LRBA: variants seen among roughly 807,000 people sequenced by gnomAD.
The protein encoded by LRBA is LPS responsive beige-like anchor protein.
In LRBA, 176 loss-of-function variants were observed where a neutral mutation model predicts 330.0. The ratio of observed to expected loss-of-function variants is 0.53; its 90% CI spans 0.47 to 0.60. LRBA has a LOEUF of 0.60. LRBA is among the 20% of genes least tolerant of loss of function. The pLI, the probability that LRBA is intolerant of heterozygous loss-of-function variation, is 0.00. For missense variants in LRBA, 3,259 were observed against 3,444.8 expected (o/e 0.95, Z 1.35); for synonymous variants, 1,230 against 1,193.0 (o/e 1.03, Z -0.64).
intron 56 of LRBA, among the ~76,000 whole-genome samples, chr4:150,269,389 C>G: frequency 6.6e-6 from 1 of 152,126 alleles, no homozygotes; most frequent in East Asian, 1.9e-4. Flanking sequence ...GGAGAAAGCA[C>G]CTTCTTTTCA....
intron 21 of LRBA, 73 bp from the exon 22 acceptor site, chr4:150,867,936 C>A: frequency 1.6e-6 from 2 of 1,246,934 alleles, no homozygotes; most frequent in East Asian, 2.4e-5. Context: ...AGGTTTAAAA[C>A]AAAATAACCC....
intron 46 of LRBA, among the ~76,000 whole-genome samples, chr4:150,421,156 A>ATAAAGTATATATAATATACATTATAT (rs1748723095): frequency 7.8e-6 from 1 of 128,606 alleles, no homozygotes; most frequent in Non-Finnish European, 1.6e-5. Flanking sequence ...ATTATATTAT[A>ATAAAGTATATATAATATACATTATAT]TATAAAGTAT....
intron 36 of LRBA, among the ~76,000 whole-genome samples, chr4:150,689,571 C>A (rs1461565539): frequency 6.6e-6 from 1 of 151,696 alleles, no homozygotes; most frequent in Non-Finnish European, 1.5e-5. Context: ...AACTACTTTA[C>A]CATAAAGAAA....
intron 2 of LRBA, among the ~76,000 whole-genome samples, chr4:150,991,380 A>G (rs1742065705): frequency 6.6e-6 from 1 of 152,240 alleles, no homozygotes; most frequent in Non-Finnish European, 1.5e-5. Context: ...CATGTCCACC[A>G]AAGGCCTATA....
intron 41 of LRBA, among the ~76,000 whole-genome samples, chr4:150,490,556 G>C (rs903769239): frequency 6.6e-6 from 1 of 151,722 alleles, no homozygotes; most frequent in Non-Finnish European, 1.5e-5. Flanking sequence ...CATATGAATC[G>C]TTATTGTCCT....
At chr4:150,636,643 C>T (rs1777941313) in intron 37 of LRBA, among the ~76,000 whole-genome samples, 1 of 152,128 alleles carries the variant, frequency 6.6e-6, no homozygotes, top group South Asian at 2.1e-4. Flanking sequence ...GGAAATATAT[C>T]CAGCTGGGCA....
intron 34 of LRBA, among the ~76,000 whole-genome samples, chr4:150,796,632 G>C (rs1453747762): frequency 6.6e-6 from 1 of 151,756 alleles, no homozygotes; most frequent in South Asian, 2.1e-4. Context: ...CTTTATCTTT[G>C]CAGCTCCTAA....
intron 2 of LRBA, among the ~76,000 whole-genome samples, chr4:150,940,349 C>CTA (rs1368258897): frequency 6.6e-6 from 1 of 152,192 alleles, no homozygotes; most frequent in East Asian, 1.9e-4. Flanking sequence ...CTGCAGTGAG[C>CTA]TATGATCATG....
chr4:150,538,511 T>C (rs1182096032), intron 40 of LRBA, among the ~76,000 whole-genome samples: 1 of 152,126 alleles, frequency 6.6e-6, no homozygotes, highest in Non-Finnish European at 1.5e-5. Flanking sequence ...CTGGAAGCCA[T>C]CATCCTGAGT....
chr4:150,488,959 ATATAT>A (rs1414143220), intron 41 of LRBA, among the ~76,000 whole-genome samples: 12 of 132,716 alleles, frequency 9.0e-5, no homozygotes, highest in African/African-American at 2.5e-4. Context: ...ATAACATATA[ATATAT>A]TATATATAAG....
At chr4:150,875,172 C>A (rs1379857207) in intron 17 of LRBA, among the ~76,000 whole-genome samples, 5 of 152,238 alleles carry the variant, frequency 3.3e-5, no homozygotes, top group African/African-American at 9.6e-5. Flanking sequence ...CTCTCTGTTT[C>A]ACACCCAAGC....
intron 17 of LRBA, among the ~76,000 whole-genome samples, chr4:150,878,141 T>C (rs1754266227): frequency 6.6e-6 from 1 of 151,262 alleles, no homozygotes; most frequent in Admixed American, 6.6e-5. Flanking sequence ...TGGACCAGCC[T>C]GGCCAACATG....
rs762799564 is a variant in LRBA at position 150,828,249 on chromosome 4, G to C, written c.5102C>G (p.Pro1701Arg). 10 of 1,614,138 alleles carry C rather than the reference G, an allele frequency of 6.2e-6. No individual in the cohort carries two copies. Among genetic ancestry groups the C allele is most frequent in the Non-Finnish European group, 8.5e-6 (10 of 1,180,010 alleles). The change falls in exon 30 of 57, where the codon CCA becomes CGA. Residue 1701 changes from proline (P) to arginine (R), a missense_variant. By Grantham distance (103) the Pro-to-Arg change is moderately radical. Coordinates refer to ENST00000651943, the MANE Select transcript of LRBA (RefSeq NM_001364905.1). ...DGVTVDPALL[P>R]PACLGALGDL... The stretch of plus-strand genomic sequence containing the variant: ...ACCAAGGGCTCCAAGGCAGGCTGGT[G>C]GCAGAAGGGCAGGATCCACTGTGAC...
chr4:150,931,521 G>A lies in LRBA; in HGVS notation c.217-2456C>T, dbSNP rs1579240926. Among the ~76,000 whole-genome samples, 3 of 151,374 alleles carry A rather than the reference G, an allele frequency of 2.0e-5. No homozygotes were observed. The East Asian group carries it at 5.8e-4, about 29-fold the overall frequency. On this transcript the variant is annotated intron_variant, in intron 2 of 56. Transcript: ENST00000651943. ...CACACCTATAATCCCAAAACTTTGG[G>A]AGGCTAAGACAGGAGGATCACTTGA...
chr4:150,467,617 C>A, intron 44 of LRBA, 56 bp downstream of exon 44: 3 of 1,067,606 alleles, frequency 2.8e-6, no homozygotes, highest in East Asian at 2.5e-5. Flanking sequence ...GAAAGACAAT[C>A]CAATTTATTT....
intron 2 of LRBA, among the ~76,000 whole-genome samples, chr4:150,964,956 T>C (rs1363288202): frequency 6.6e-6 from 1 of 152,228 alleles, no homozygotes; most frequent in African/African-American, 2.4e-5. Context: ...CATCACTTTT[T>C]CACCTATTAG....
At chr4:150,851,047 T>C (rs1750554013) in intron 23 of LRBA, 145 bp from the exon 24 acceptor site, 1 of 558,772 alleles carries the variant, frequency 1.8e-6, no homozygotes, top group African/African-American at 1.9e-5. Context: ...AGAAAAATTA[T>C]CAATGAGTAA....
rs1236284979 is a variant in LRBA, at chr4:150,777,080, T to TGTTGTC, written c.5581-15234_5581-15233insGACAAC. On this transcript the variant is annotated intron_variant, in intron 34 of 56. Coordinates refer to ENST00000651943, the MANE Select transcript of LRBA (RefSeq NM_001364905.1). ...TTTTGAGGGGTTTTGTTGTTGTTGT[T>TGTTGTC]GTTGTTGTTGTTGTTGTTGTTGTTG... Among the ~76,000 whole-genome samples the TGTTGTC allele has an allele frequency of 6.3e-4, 95 of 149,688 alleles. 1 individual carries two copies. The highest frequency in any genetic ancestry group is 6.8e-3 in the Middle Eastern group (2 of 294).
At chr4:150,328,896 A>C (rs921866901) in intron 48 of LRBA, among the ~76,000 whole-genome samples, 2 of 152,172 alleles carry the variant, frequency 1.3e-5, no homozygotes, top group African/African-American at 4.8e-5. Context: ...TACAAATTTA[A>C]TATAACTGGC....
Sources: gnomAD v4.1 joint callset for allele counts (sites outside exome capture counted in the v4.1 genomes callset) on GRCh38, gnomAD v4.1.1 for gene constraint, MANE v1.5 for transcripts, NCBI Gene and HGNC (gene_info 2026-07-23, HGNC 2026-07-21) for gene names.